MFSD6: variants seen among roughly 807,000 people sequenced by gnomAD.
MFSD6 encodes the protein major facilitator superfamily domain containing 6.
A neutral mutation model predicts 56.3 loss-of-function variants in MFSD6; 26 were observed. That is an observed-to-expected ratio of 0.46 (90% CI 0.34 to 0.64). The LOEUF (loss-of-function observed/expected upper bound fraction) is 0.64. MFSD6 is among the 30% of genes least tolerant of loss of function. The probability of loss-of-function intolerance (pLI) is 0.01; values close to 1 mark genes in which losing one functional copy is unlikely to be tolerated. For missense variants in MFSD6, 750 were observed against 986.2 expected, an observed-to-expected ratio of 0.76 and a Z score of 3.21; for synonymous variants, 331 against 366.9, an observed-to-expected ratio of 0.90 and a Z score of 1.12.
At position 190,425,886 on chromosome 2, in the gene MFSD6, G is replaced by A. The variant is rs564477840; in HGVS notation, c.-53-10091G>A. 7.2e-5 allele frequency among the ~76,000 whole-genome samples: 11 copies of A among 151,984 alleles called. No individual in the cohort carries two copies. The South Asian group carries it at 2.3e-3, about 32-fold the overall frequency. Reference sequence around the variant, plus strand: ...TTTCTTTTAGCACTTAAAAAAAATTGTGCCACTTCCAGTGTCCATGGTTTC... The same window carrying A: ...TTTCTTTTAGCACTTAAAAAAAATTATGCCACTTCCAGTGTCCATGGTTTC... On this transcript the variant is annotated intron_variant, in intron 2 of 7. Transcript: ENST00000392328. The surrounding 1 kb of genome is among the most constrained non-coding windows in gnomAD (Gnocchi z 4.3).
In MFSD6 at chr2:190,497,819, G is replaced by C. The variant is rs181366796; in HGVS notation, c.2172+100G>C. 73 of 1,380,544 alleles carry C rather than the reference G, an allele frequency of 5.3e-5. No individual in the cohort carries two copies. Among genetic ancestry groups the C allele is most frequent in the Non-Finnish European group, 6.6e-5 (67 of 1,013,062 alleles). 85.5% of individuals were successfully genotyped at this position (1,380,544 alleles called of 1,614,324 possible). On this transcript the variant is annotated intron_variant, in intron 7 of 7. Coordinates refer to ENST00000392328, the MANE Select transcript of MFSD6 (RefSeq NM_017694.4). The surrounding 1 kb of genome is among the most constrained non-coding windows in gnomAD (Gnocchi z 5.2). ...CACTTTTCATTCAACAAGATTTATTGAAAGTCTGGTGGGGGAAATAGACAT... is the reference window on the plus strand; with the variant it reads ...CACTTTTCATTCAACAAGATTTATTCAAAGTCTGGTGGGGGAAATAGACAT...
chr2:190,411,659 G>A (rs1488926164), intron 1 of MFSD6: 1 of 981,858 alleles, frequency 1.0e-6, no homozygotes, highest in Non-Finnish European at 1.2e-6. Flanking sequence ...AAAATTGAAT[G>A]TGCCTAAACT....
rs1469478814 is a variant in MFSD6 at position 190,434,661 on chromosome 2, T to C, written c.-53-1316T>C. 1.3e-5 allele frequency among the ~76,000 whole-genome samples: 2 copies of C among 152,154 alleles called. No homozygotes were observed. The highest frequency in any genetic ancestry group is 2.9e-5 in the Non-Finnish European group (2 of 68,016). On this transcript the variant is annotated intron_variant, in intron 2 of 7. Coordinates refer to ENST00000392328, the MANE Select transcript of MFSD6 (RefSeq NM_017694.4). This position sits in a 1 kb window ranked among gnomAD's most constrained non-coding sequence, Gnocchi z 4.3. ...GTTGGCCAGGATGGTCTCAATCTCC[T>C]GAACTCATGATCCGCCCCCCTCAGC...
rs1167560428 is a variant in MFSD6, at chr2:190,456,134, T to C, written c.1533-13624T>C. On this transcript the variant is annotated intron_variant, in intron 3 of 7. Transcript: ENST00000392328. The surrounding 1 kb of genome is among the most constrained non-coding windows in gnomAD (Gnocchi z 5.4). Reference sequence around the variant, plus strand: ...TTTTATATTTTTAGTAGAGATGGGGTTTCACCATGTTGGTCAGGCTGGTCT... The same window carrying C: ...TTTTATATTTTTAGTAGAGATGGGGCTTCACCATGTTGGTCAGGCTGGTCT... 4.6e-5 allele frequency among the ~76,000 whole-genome samples: 7 copies of C among 151,800 alleles called. No homozygotes were observed. Among genetic ancestry groups the C allele is most frequent in the Non-Finnish European group, 1.0e-4 (7 of 67,950 alleles).
rs570919635 is a variant in MFSD6 at position 190,473,586 on chromosome 2, C to G, written c.1630+3731C>G. Among the ~76,000 whole-genome samples the G allele has an allele frequency of 6.2e-4, 94 of 152,262 alleles. No individual in the cohort carries two copies. The South Asian group carries it at 0.018, about 30-fold the overall frequency. Reference sequence around the variant, plus strand: ...GATTCATAAAGCAAGTCCTTAGAGACCTACAAAGAGACTTAGACTCCCACA... The same window carrying G: ...GATTCATAAAGCAAGTCCTTAGAGAGCTACAAAGAGACTTAGACTCCCACA... On this transcript the variant is annotated intron_variant, in intron 4 of 7. Coordinates refer to ENST00000392328, the MANE Select transcript of MFSD6 (RefSeq NM_017694.4).
In MFSD6 at chr2:190,495,732, A is replaced by T. The variant is rs373975411; in HGVS notation, c.1892-1707A>T. Among the ~76,000 whole-genome samples the T allele has an allele frequency of 6.6e-6, 1 of 152,178 alleles. No individual in the cohort carries two copies. The highest frequency in any genetic ancestry group is 1.5e-5 in the Non-Finnish European group (1 of 68,024). On this transcript the variant is annotated intron_variant, in intron 6 of 7. Coordinates refer to ENST00000392328, the MANE Select transcript of MFSD6 (RefSeq NM_017694.4). This position sits in a 1 kb window ranked among gnomAD's most constrained non-coding sequence, Gnocchi z 4.7. ...GATATTTGACAAAGCAAACAGAAAC[A>T]TAAAGGGGGAAAGGATACTCTATTC...
At chr2:190,444,785 TG>T in intron 3 of MFSD6, 1 of 337,708 alleles carries the variant, frequency 3.0e-6, no homozygotes, top group Non-Finnish European at 4.2e-6. Flanking sequence ...AGTATTAGGG[TG>T]CTAAAACCAT....
intron 4 of MFSD6, among the ~76,000 whole-genome samples, chr2:190,476,754 C>T (rs1031159307): frequency 1.3e-5 from 2 of 152,112 alleles, no homozygotes; most frequent in African/African-American, 2.4e-5. Context: ...CACATGCACA[C>T]ATATGTTTAT....
At chr2:190,446,896 G>GT (rs1199211285) in intron 3 of MFSD6, among the ~76,000 whole-genome samples, 1 of 152,176 alleles carries the variant, frequency 6.6e-6, no homozygotes, top group African/African-American at 2.4e-5. Flanking sequence ...AATTTCAGGG[G>GT]TGAGGGACTT....
rs1321217251 is a variant in MFSD6 at position 190,438,094 on chromosome 2, G to A, written c.1532+533G>A. 6.6e-6 allele frequency among the ~76,000 whole-genome samples: 1 copy of A among 152,018 alleles called. No individual in the cohort carries two copies. Among genetic ancestry groups the A allele is most frequent in the African/African-American group, 2.4e-5 (1 of 41,384 alleles). On this transcript the variant is annotated intron_variant, in intron 3 of 7. Transcript: ENST00000392328. The surrounding 1 kb of genome is among the most constrained non-coding windows in gnomAD (Gnocchi z 5.2). Reference sequence around the variant, plus strand: ...TAATTCCATGATATTACATGGATGAGGTTCTTAAGTATTTTTTTTGGGTTA... The same window carrying A: ...TAATTCCATGATATTACATGGATGAAGTTCTTAAGTATTTTTTTTGGGTTA...
intron 4 of MFSD6, among the ~76,000 whole-genome samples, chr2:190,470,791 G>A (rs1280788304): frequency 1.3e-5 from 2 of 152,022 alleles, no homozygotes; most frequent in African/African-American, 4.8e-5. Flanking sequence ...CATCTAAACA[G>A]AATGTACAAA....
rs1211329258 is a variant in MFSD6, at chr2:190,439,349, C to CT, written c.1532+1796dup. ...AGAGTATGTGTTTAGGTTCTATTTTCTTTTTTTTCACGTTTTATTTGTTTA... is the reference window on the plus strand; with the variant it reads ...AGAGTATGTGTTTAGGTTCTATTTTCTTTTTTTTTCACGTTTTATTTGTTTA... On this transcript the variant is annotated intron_variant, in intron 3 of 7. Coordinates refer to ENST00000392328, the MANE Select transcript of MFSD6 (RefSeq NM_017694.4). This position sits in a 1 kb window ranked among gnomAD's most constrained non-coding sequence, Gnocchi z 5.8. 3.3e-5 allele frequency among the ~76,000 whole-genome samples: 5 copies of CT among 151,572 alleles called. No homozygotes were observed. Among genetic ancestry groups the CT allele is most frequent in the East Asian group, 1.9e-4 (1 of 5,164 alleles).
chr2:190,447,319 C>T lies in MFSD6; in HGVS notation c.1532+9758C>T, dbSNP rs1265767092. On this transcript the variant is annotated intron_variant, in intron 3 of 7. Transcript: ENST00000392328. The surrounding 1 kb of genome is among the most constrained non-coding windows in gnomAD (Gnocchi z 4.5). The stretch of plus-strand genomic sequence containing the variant: ...GTTCTGTTAGACATGAGTGATTGAG[C>T]GAAACTGTGAGGTTAGGTCAGTGTG... 6.6e-6 allele frequency among the ~76,000 whole-genome samples: 1 copy of T among 152,130 alleles called. No individual in the cohort carries two copies. The highest frequency in any genetic ancestry group is 1.5e-5 in the Non-Finnish European group (1 of 68,016).
chr2:190,449,436 T>A (rs1032678986), intron 3 of MFSD6, among the ~76,000 whole-genome samples: 5 of 151,880 alleles, frequency 3.3e-5, no homozygotes, highest in African/African-American at 1.2e-4. Context: ...ATGGCACCAC[T>A]GCACACCCGC....
chr2:190,441,809 T>G (rs1047174835), intron 3 of MFSD6, among the ~76,000 whole-genome samples: 2 of 152,000 alleles, frequency 1.3e-5, no homozygotes, highest in African/African-American at 2.4e-5. Context: ...TCCAACAACA[T>G]TCTCTCCTCT....
At chr2:190,422,907 A>G (rs1685674021) in intron 2 of MFSD6, among the ~76,000 whole-genome samples, 1 of 149,168 alleles carries the variant, frequency 6.7e-6, no homozygotes, top group Non-Finnish European at 1.5e-5. Flanking sequence ...TCTTCATATT[A>G]AGTTCTTTTG....
rs1448029813 is a variant in MFSD6 at position 190,418,631 on chromosome 2, C to T, written c.-54+3218C>T. ...GAATAGCTGAAAGTGGTGGTGTGTGCCTGTAGTCCCAGCTACTTGGGAGGT... is the reference window on the plus strand; with the variant it reads ...GAATAGCTGAAAGTGGTGGTGTGTGTCTGTAGTCCCAGCTACTTGGGAGGT... On this transcript the variant is annotated intron_variant, in intron 2 of 7. Coordinates refer to ENST00000392328, the MANE Select transcript of MFSD6 (RefSeq NM_017694.4). This position sits in a 1 kb window ranked among gnomAD's most constrained non-coding sequence, Gnocchi z 4.1. Among the ~76,000 whole-genome samples, 1 of 152,150 alleles carries T rather than the reference C, an allele frequency of 6.6e-6. No homozygotes were observed. The highest frequency in any genetic ancestry group is 1.5e-5 in the Non-Finnish European group (1 of 68,024).
rs900242837 is a variant in MFSD6, at chr2:190,431,381, C to G, written c.-53-4596C>G. Reference sequence around the variant, plus strand: ...CTGGGAGGTGGAGGTTGTAGCGAGCCGAGATCACCCCACTGCACTCCAGCC... The same window carrying G: ...CTGGGAGGTGGAGGTTGTAGCGAGCGGAGATCACCCCACTGCACTCCAGCC... On this transcript the variant is annotated intron_variant, in intron 2 of 7. Transcript: ENST00000392328. This position sits in a 1 kb window ranked among gnomAD's most constrained non-coding sequence, Gnocchi z 4.4. Among the ~76,000 whole-genome samples, 8 of 152,200 alleles carry G rather than the reference C, an allele frequency of 5.3e-5. No homozygotes were observed. The highest frequency in any genetic ancestry group is 1.4e-4 in the African/African-American group (6 of 41,448).
intron 3 of MFSD6, among the ~76,000 whole-genome samples, chr2:190,460,227 CATAA>C (rs1687252976): frequency 6.6e-6 from 1 of 152,202 alleles, no homozygotes; most frequent in African/African-American, 2.4e-5. Context: ...TGTTTGTCCA[CATAA>C]ATAAAAATAT....
Sources: allele counts gnomAD v4.1 joint callset (sites outside exome capture counted in the v4.1 genomes callset), GRCh38; gene constraint gnomAD v4.1.1; non-coding constraint Gnocchi (gnomAD v3.1); transcripts MANE v1.5; gene names NCBI Gene and HGNC (gene_info 2026-07-23, HGNC 2026-07-21).